Variants in CELF2 observed in about 807,000 individuals in gnomAD.
CELF2 encodes CUGBP Elav-like family member 2, also known as CUG triplet repeat RNA-binding protein 2.
CELF2 carries 8 observed loss-of-function variants against 62.6 expected under a neutral mutation model. That is an observed-to-expected ratio of 0.13 (90% CI 0.07 to 0.23). The LOEUF is 0.23. CELF2 is among the 10% of genes least tolerant of loss of function. The pLI is 1.00. For synonymous variants in CELF2, 258 were observed against 250.0 expected (o/e 1.03, Z -0.30); for missense variants, 333 against 671.0 (o/e 0.50, Z 5.56).
At chr10:11,128,554 G>T (rs1026344344) in intron 1 of CELF2, among the ~76,000 whole-genome samples, 99 of 152,182 alleles carry the variant, frequency 6.5e-4, no homozygotes, top group African/African-American at 2.0e-3. Flanking sequence ...TTATTTCATT[G>T]AGTGGTTGTT....
intron 2 of CELF2, among the ~76,000 whole-genome samples, chr10:10,969,533 A>G (rs1266390236): frequency 6.6e-6 from 1 of 152,190 alleles, no homozygotes; most frequent in Non-Finnish European, 1.5e-5. Flanking sequence ...TGCTACACAT[A>G]CAAAGATACA....
At chr10:10,753,480 T>C in the CELF2 span, among the ~76,000 whole-genome samples, 2 of 152,222 alleles carry the variant, frequency 1.3e-5, no homozygotes, top group Non-Finnish European at 2.9e-5. Flanking sequence ...GAGAATATCC[T>C]CTTTTCTTGC....
intron 1 of CELF2, among the ~76,000 whole-genome samples, chr10:11,086,125 G>A (rs1022256782): frequency 1.3e-5 from 2 of 151,962 alleles, no homozygotes; most frequent in Non-Finnish European, 2.9e-5. Flanking sequence ...TCTAATACAC[G>A]GGATCAAATC....
chr10:10,747,854 G>GCC, the CELF2 span, among the ~76,000 whole-genome samples: 69,128 of 151,716 alleles, frequency 0.46, 16,845 homozygotes, highest in East Asian at 0.61. Flanking sequence ...CTACAGGCAT[G>GCC]TGCCACCACG....
chr10:11,009,682 GC>G (rs2056081794), intron 1 of CELF2, among the ~76,000 whole-genome samples: 2 of 152,162 alleles, frequency 1.3e-5, no homozygotes, highest in African/African-American at 4.8e-5. Context: ...AGGTTGACCC[GC>G]CCATGATTGG....
At chr10:11,182,953 G>A (rs2073875621) in intron 2 of CELF2, among the ~76,000 whole-genome samples, 1 of 152,152 alleles carries the variant, frequency 6.6e-6, no homozygotes, top group African/African-American at 2.4e-5. Flanking sequence ...ATATCAAAGG[G>A]TCTTTTCAAC....
At chr10:11,251,246 A>AT (rs1164525868) in intron 4 of CELF2, among the ~76,000 whole-genome samples, 2 of 136,638 alleles carry the variant, frequency 1.5e-5, no homozygotes, top group African/African-American at 5.5e-5. Flanking sequence ...GACCTGAAAT[A>AT]TCCCAGTACT....
the CELF2 span, among the ~76,000 whole-genome samples, chr10:10,488,648 C>T: frequency 2.6e-5 from 4 of 152,004 alleles, no homozygotes; most frequent in Non-Finnish European, 5.9e-5. Flanking sequence ...ATTATTATTA[C>T]CATATTTCTA....
intron 1 of CELF2, among the ~76,000 whole-genome samples, chr10:11,099,881 C>CAAAAA (rs1554835241): frequency 7.5e-6 from 1 of 133,766 alleles, no homozygotes; most frequent in African/African-American, 2.8e-5. Context: ...ACAACAACAA[C>CAAAAA]AACAAAAAAA....
At chr10:10,655,135 T>C in the CELF2 span, among the ~76,000 whole-genome samples, 4 of 149,844 alleles carry the variant, frequency 2.7e-5, no homozygotes, top group Admixed American at 2.7e-4. Context: ...TCAAAGAGAA[T>C]AAAATACTTA....
In CELF2 at chr10:11,237,473, GGGTGGACAGA is replaced by G. The variant is rs1371818151; in HGVS notation, c.355-11678_355-11669del. Among the ~76,000 whole-genome samples, 1 of 152,152 alleles carries G rather than the reference GGGTGGACAGA, an allele frequency of 6.6e-6. No homozygotes were observed. Among genetic ancestry groups the G allele is most frequent in the Non-Finnish European group, 1.5e-5 (1 of 68,028 alleles). On this transcript the variant is annotated intron_variant, in intron 3 of 12. Transcript: ENST00000633077. This position sits in a 1 kb window ranked among gnomAD's most constrained non-coding sequence, Gnocchi z 4.0. ...TCCTGGGAAGCAGTGTAAGAGATCA[GGGTGGACAGA>G]GTCGAGCCCTGCAAAGAGGCTCAGA... is the stretch of plus-strand genomic sequence containing the variant.
At chr10:10,729,848 T>G in the CELF2 span, among the ~76,000 whole-genome samples, 1 of 152,152 alleles carries the variant, frequency 6.6e-6, no homozygotes, top group African/African-American at 2.4e-5. Context: ...ACAACAAAAT[T>G]ATCGATGATA....
At chr10:10,598,637 A>G in the CELF2 span, among the ~76,000 whole-genome samples, 49 of 151,834 alleles carry the variant, frequency 3.2e-4, no homozygotes, top group Non-Finnish European at 5.9e-5. Flanking sequence ...AGAGAACACT[A>G]TTTAGATTTG....
chr10:10,558,211 C>G, the CELF2 span, among the ~76,000 whole-genome samples: 14 of 152,168 alleles, frequency 9.2e-5, no homozygotes, highest in Non-Finnish European at 1.6e-4. Context: ...TGCGTCCCAT[C>G]AATACCTAAT....
the CELF2 span, among the ~76,000 whole-genome samples, chr10:10,676,286 G>T: frequency 2.0e-5 from 3 of 152,126 alleles, no homozygotes; most frequent in African/African-American, 4.8e-5. Flanking sequence ...GCTGGAAATG[G>T]GTATTTCCCT....
chr10:11,279,705 C>T (rs1441551679), intron 8 of CELF2, among the ~76,000 whole-genome samples: 1 of 152,106 alleles, frequency 6.6e-6, no homozygotes, highest in East Asian at 1.9e-4. Context: ...CTAAGGTGAA[C>T]ATTAAATTAA....
rs144104361 is a variant in CELF2 at position 10,919,808 on chromosome 10, G to T, written c.54-156G>T. Among the ~76,000 whole-genome samples, 40 of 152,342 alleles carry T rather than the reference G, an allele frequency of 2.6e-4. No homozygotes were observed. In the East Asian group the frequency reaches 6.5e-3, roughly 25 times the overall value. On this transcript the variant is annotated intron_variant, in intron 1 of 13. Transcript: ENST00000636488. Reference sequence around the variant, plus strand: ...TGGAATGATCAATGGGAATTAATCAGAAATGCAATTAATCAATTTTAACTT... The same window carrying T: ...TGGAATGATCAATGGGAATTAATCATAAATGCAATTAATCAATTTTAACTT...
chr10:11,024,596 G>GTCT (rs1020306710), intron 1 of CELF2, among the ~76,000 whole-genome samples: 4 of 151,806 alleles, frequency 2.6e-5, no homozygotes, highest in Non-Finnish European at 5.9e-5. Context: ...GCAAGACTCC[G>GTCT]TCTTCTTCTT....
the CELF2 span, among the ~76,000 whole-genome samples, chr10:10,471,425 G>T: frequency 6.6e-6 from 1 of 151,474 alleles, no homozygotes. Context: ...CTGTTATTAG[G>T]TGTGTATACA....
Sources: allele counts gnomAD v4.1 joint callset (sites outside exome capture counted in the v4.1 genomes callset), GRCh38; gene constraint gnomAD v4.1.1; non-coding constraint Gnocchi (gnomAD v3.1); transcripts MANE v1.5; gene names NCBI Gene and HGNC (gene_info 2026-07-23, HGNC 2026-07-21).